Variants in PHEX observed in about 807,000 individuals in gnomAD.
PHEX encodes the protein phosphate-regulating neutral endopeptidase PHEX.
Under a neutral mutation model 68.0 loss-of-function variants are expected in PHEX, and 16 were observed. The ratio of observed to expected loss-of-function variants is 0.24; its 90% CI spans 0.16 to 0.36. The LOEUF is 0.36. Among genes scored for constraint, PHEX ranks in the 10% least tolerant of loss-of-function variants. The probability of loss-of-function intolerance (pLI) is 1.00; values close to 1 mark genes in which losing one functional copy is unlikely to be tolerated. For synonymous variants in PHEX, 208 were observed against 205.1 expected (o/e 1.01, Z -0.12); for missense variants, 480 against 575.5 (o/e 0.83, Z 1.70).
rs2301308 is a variant in PHEX at position 22,103,936 on chromosome X, T to C, written c.1079+4785T>C. On this transcript the variant is annotated intron_variant, in intron 9 of 21. Transcript: ENST00000379374. ...CATTCCCACCAGCAGTGTAAAAGTG[T>C]TCCCTTTTCACCACATCCATGCCAA... Among the ~76,000 whole-genome samples the C allele has an allele frequency of 3.3e-4, 37 of 112,249 alleles. 1 individual carries two copies. In the East Asian group the frequency reaches 0.01, roughly 31 times the overall value.
At chrX:22,123,016 G>T (rs1257170755) in intron 11 of PHEX, among the ~76,000 whole-genome samples, 1 of 96,218 alleles carries the variant, frequency 1.0e-5, no homozygotes, top group African/African-American at 4.2e-5. Flanking sequence ...TTGAGACAAG[G>T]TCTGGCTCTG....
intron 13 of PHEX, chrX:22,173,110 C>A (rs1298515465): frequency 9.0e-6 from 1 of 110,855 alleles, no homozygotes; most frequent in Non-Finnish European, 1.9e-5. Flanking sequence ...TAGAATGCTG[C>A]AGAAAAAGAG....
chrX:22,236,019 C>T lies in PHEX; in HGVS notation c.2070+8408C>T, dbSNP rs146847747. Among the ~76,000 whole-genome samples, 349 of 111,785 alleles carry T rather than the reference C, an allele frequency of 3.1e-3. 2 individuals are homozygous for T. The highest frequency in any genetic ancestry group is 0.011 in the African/African-American group (324 of 30,748). On this transcript the variant is annotated intron_variant, in intron 20 of 21. Transcript: ENST00000379374. Reference sequence around the variant, plus strand: ...ATCCAATTCAATTTCCCATAACTAACTCCACTGGGTGAGAAAAAACTCAGC... The same window carrying T: ...ATCCAATTCAATTTCCCATAACTAATTCCACTGGGTGAGAAAAAACTCAGC...
intron 3 of PHEX, among the ~76,000 whole-genome samples, chrX:22,049,663 C>T (rs765728033): frequency 1.7e-4 from 18 of 109,000 alleles, no homozygotes; most frequent in African/African-American, 4.7e-4. Context: ...TCTGAGGTCA[C>T]GAGTTCAAGA....
intron 3 of PHEX, among the ~76,000 whole-genome samples, chrX:22,073,684 C>T (rs971287076): frequency 6.5e-5 from 6 of 92,446 alleles, no homozygotes; most frequent in Admixed American, 1.3e-4. Context: ...TTGTCGCCCA[C>T]GCTGGAGTGT....
At position 22,045,154 on chromosome X, in the gene PHEX, A is replaced by G. The variant is rs745402223; in HGVS notation, c.188-1896A>G. On this transcript the variant is annotated intron_variant, in intron 2 of 21. Transcript: ENST00000379374. ...ACAAAAGGCTGTTTGAAATTTTTGT[A>G]GAAAGTCTAGGCTGGAGAAATATCT... 3.1e-4 allele frequency among the ~76,000 whole-genome samples: 35 copies of G among 111,387 alleles called. 1 individual carries two copies. The highest frequency in any genetic ancestry group is 6.4e-4 in the Non-Finnish European group (34 of 53,163).
Position 22,231,983 on chromosome X carries a change from G to A in PHEX, c.2070+4372G>A, listed in dbSNP as rs1176758253. 5.4e-5 allele frequency among the ~76,000 whole-genome samples: 6 copies of A among 111,608 alleles called. No individual in the cohort carries two copies. In the East Asian group the frequency reaches 1.4e-3, roughly 26 times the overall value. ...GGTACATTGTGTCTTTGTTCTCACT[G>A]GTTTCAAAGAACATCTTTATTTCTG... is the stretch of plus-strand genomic sequence containing the variant. On this transcript the variant is annotated intron_variant, in intron 20 of 21. Coordinates refer to ENST00000379374, the MANE Select transcript of PHEX (RefSeq NM_000444.6).
chrX:22,079,836 T>G (rs766233033), intron 5 of PHEX, among the ~76,000 whole-genome samples: 4 of 111,398 alleles, frequency 3.6e-5, no homozygotes, highest in Non-Finnish European at 7.5e-5. Flanking sequence ...AATCACAGCT[T>G]AAAAATGCAG....
At chrX:22,237,805 T>G (rs1182807543) in intron 20 of PHEX, among the ~76,000 whole-genome samples, 2 of 112,264 alleles carry the variant, frequency 1.8e-5, no homozygotes, top group Non-Finnish European at 3.8e-5. Flanking sequence ...TAGAATATTT[T>G]TTTCCATATT....
intron 17 of PHEX, among the ~76,000 whole-genome samples, chrX:22,219,507 C>T (rs1404722068): frequency 1.8e-5 from 2 of 112,464 alleles, no homozygotes; most frequent in African/African-American, 3.2e-5. Flanking sequence ...AGTTAGGACT[C>T]GTTGAGTTAG....
At chrX:22,116,496 A>G (rs1022022173) in intron 11 of PHEX, among the ~76,000 whole-genome samples, 5 of 111,944 alleles carry the variant, frequency 4.5e-5, no homozygotes, top group Admixed American at 9.5e-5. Flanking sequence ...TGGTCAATAA[A>G]CACTGAATTA....
chrX:22,094,017 C>T lies in PHEX; in HGVS notation c.767C>T (p.Thr256Ile). 8.3e-7 allele frequency: 1 copy of T among 1,203,172 alleles called. No homozygotes were observed. The highest frequency in any genetic ancestry group is 1.1e-6 in the Non-Finnish European group (1 of 888,367). Reference sequence around the variant, plus strand: ...GCCCTTTACAAGTTCATGGTGGATACTGCCGTGCTTTTAGGAGCTAACAGT... The same window carrying T: ...GCCCTTTACAAGTTCATGGTGGATATTGCCGTGCTTTTAGGAGCTAACAGT... ...RDALYKFMVD[T>I]AVLLGANSSR... is the part of the protein sequence containing the mutation. The change falls in exon 7 of 22, where the codon ACT (threonine) becomes ATT (isoleucine). Residue 256 changes from threonine (T) to isoleucine (I), a missense_variant. Coordinates refer to ENST00000379374, the MANE Select transcript of PHEX (RefSeq NM_000444.6).
chrX:22,112,582 T>C (rs1324301582), intron 10 of PHEX, among the ~76,000 whole-genome samples: 1 of 111,556 alleles, frequency 9.0e-6, no homozygotes, highest in East Asian at 2.8e-4. Flanking sequence ...ATTTTGGATA[T>C]GCTTTGACCC....
chrX:22,067,665 G>A (rs1928669738), intron 3 of PHEX, among the ~76,000 whole-genome samples: 1 of 111,065 alleles, frequency 9.0e-6, no homozygotes, highest in African/African-American at 3.3e-5. Flanking sequence ...GGTGAGTGCT[G>A]TTGGTTTAAA....
intron 14 of PHEX, among the ~76,000 whole-genome samples, chrX:22,179,507 A>G (rs2147129323): frequency 9.4e-6 from 1 of 106,160 alleles, no homozygotes; most frequent in East Asian, 2.9e-4. Context: ...AAGTCTCTAA[A>G]GTCCACTGTA....
chrX:22,169,360 A>G (rs775953213), intron 13 of PHEX, among the ~76,000 whole-genome samples: 11 of 112,175 alleles, frequency 9.8e-5, no homozygotes, highest in Non-Finnish European at 2.1e-4. Flanking sequence ...CTTATTATAC[A>G]CTGTTTTGAT....
chrX:22,056,774 A>ATAATAC (rs1928127704), intron 3 of PHEX, among the ~76,000 whole-genome samples: 1 of 100,078 alleles, frequency 1.0e-5, no homozygotes, highest in Non-Finnish European at 2.0e-5. Flanking sequence ...AATAATAATA[A>ATAATAC]TAATAATAAT....
rs1411294236 is a variant in PHEX at position 22,233,866 on chromosome X, T to G, written c.2070+6255T>G. On this transcript the variant is annotated intron_variant, in intron 20 of 21. Transcript: ENST00000379374. ...GTTTTGTTCCCTTGCTGGCGAGGTG[T>G]TGTGATCCTTTGGAGGAGAGGAGGT... Among the ~76,000 whole-genome samples the G allele has an allele frequency of 2.7e-5, 3 of 111,877 alleles. No homozygotes were observed. The East Asian group carries it at 8.5e-4, about 32-fold the overall frequency.
At chrX:22,076,354 T>G in intron 3 of PHEX, 34 bp from the exon 4 acceptor site, 1 of 1,028,274 alleles carries the variant, frequency 9.7e-7, no homozygotes, top group Non-Finnish European at 1.4e-6. Flanking sequence ...CATATGTGGG[T>G]GGATACTAAT....
Sources: allele counts gnomAD v4.1 joint callset (sites outside exome capture counted in the v4.1 genomes callset), GRCh38; gene constraint gnomAD v4.1.1; transcripts MANE v1.5; gene names NCBI Gene and HGNC (gene_info 2026-07-23, HGNC 2026-07-21).